The following BTN2A2 variants were observed in gnomAD, a reference collection of about 807,000 sequenced individuals.
The protein encoded by BTN2A2 is butyrophilin subfamily 2 member A2, also known as butyrophilin 2.
BTN2A2 carries 29 observed loss-of-function variants against 34.7 expected under a neutral mutation model. That is an observed-to-expected ratio of 0.84 (90% CI 0.62 to 1.14). The LOEUF (loss-of-function observed/expected upper bound fraction) is 1.14. Ranked by LOEUF, BTN2A2 falls within the 50% of genes most tolerant of loss-of-function variation. The pLI is 0.00. For missense variants in BTN2A2, 612 were observed against 651.5 expected (o/e 0.94, Z 0.66); for synonymous variants, 240 against 253.1 (o/e 0.95, Z 0.49).
At chr6:26,389,246 A>G (rs1761416801) in intron 4 of BTN2A2, among the ~76,000 whole-genome samples, 1 of 152,254 alleles carries the variant, frequency 6.6e-6, no homozygotes, top group Non-Finnish European at 1.5e-5. Flanking sequence ...AAAATTAAGC[A>G]AAGAGAAAAT....
rs142310458 is a variant in BTN2A2 at position 26,386,389 on chromosome 6, G to A, written c.442+1027G>A. On this transcript the variant is annotated intron_variant, in intron 3 of 7. Coordinates refer to ENST00000356709, the MANE Select transcript of BTN2A2 (RefSeq NM_006995.5). ...AAGCCTTTAAGTTGCAGAATAATTC[G>A]TGGTGACATTTCAGTCCATCAGACC... Among the ~76,000 whole-genome samples, 37 of 152,304 alleles carry A rather than the reference G, an allele frequency of 2.4e-4. 2 individuals are homozygous for A. In the East Asian group the frequency reaches 6.0e-3, roughly 25 times the overall value.
At position 26,390,191 on chromosome 6, in the gene BTN2A2, A is replaced by G; in HGVS notation, c.911A>G (p.Gln304Arg). 6.2e-7 allele frequency: 1 copy of G among 1,614,068 alleles called. No homozygotes were observed. The highest frequency in any genetic ancestry group is 1.1e-5 in the South Asian group (1 of 91,082). The change falls in exon 5 of 8, where the codon CAA (glutamine) becomes CGA (arginine). Residue 304 changes from glutamine (Q) to arginine (R), a missense_variant. Gln to Arg is a conservative substitution (Grantham distance 43). Coordinates refer to ENST00000356709, the MANE Select transcript of BTN2A2 (RefSeq NM_006995.5). ...CTGTCAGGGGAAAAGAAAGTTGAAC[A>G]AGAGGAAAAAGAAATTGCACGTAAG... ...KILSGEKKVE[Q>R]EEKEIAQQLQ... is the part of the protein sequence containing the mutation.
chr6:26,384,949 G>C lies in BTN2A2; in HGVS notation c.95-66G>C. 2 of 1,459,516 alleles carry C rather than the reference G, an allele frequency of 1.4e-6. No individual in the cohort carries two copies. The highest frequency in any genetic ancestry group is 1.8e-6 in the Non-Finnish European group (2 of 1,082,808). The allele number at this position is 1,459,516 out of a possible 1,614,324, so 90.4% of individuals were successfully genotyped here. ...TTTTGTTTGTTTGTTTTTGTTTTTT[G>C]TTTTTTGTTTTGCCTTAGAGTTGTG... On this transcript the variant is annotated intron_variant, in intron 2 of 7. Transcript: ENST00000356709. The surrounding 1 kb of genome is among the most constrained non-coding windows in gnomAD (Gnocchi z 4.0).
chr6:26,383,767 T>C lies in BTN2A2; in HGVS notation c.-30-25T>C. ...CACTGAGGTGCCAAGACTCCTAGGC[T>C]GATTCTCCTCCTCTGTAACCCTAGG... On this transcript the variant is annotated intron_variant, in intron 1 of 7. Coordinates refer to ENST00000356709, the MANE Select transcript of BTN2A2 (RefSeq NM_006995.5). The surrounding 1 kb of genome is among the most constrained non-coding windows in gnomAD (Gnocchi z 4.4). 6.4e-7 allele frequency: 1 copy of C among 1,571,138 alleles called. No individual in the cohort carries two copies. The highest frequency in any genetic ancestry group is 1.7e-5 in the Admixed American group (1 of 59,966).
Position 26,394,576 on chromosome 6 carries a change from T to C in BTN2A2, c.*1609T>C. 1 of 457,932 alleles carries C rather than the reference T, an allele frequency of 2.2e-6. No individual in the cohort carries two copies. Among genetic ancestry groups the C allele is most frequent in the Non-Finnish European group, 3.9e-6 (1 of 258,338 alleles). The allele number at this position is 457,932 out of a possible 1,614,324, so 28.4% of individuals were successfully genotyped here. A position where few individuals can be genotyped will look rare whatever the true frequency, so the allele number is the denominator to read the frequency against. On this transcript the variant is annotated 3_prime_UTR_variant, in exon 8 of 8. Transcript: ENST00000356709. Reference sequence around the variant, plus strand: ...ACTTGTACCAGGAGGCCCTGGGTTCTCAGGCCTTTGGCTTTGGACTGAGAG... The same window carrying C: ...ACTTGTACCAGGAGGCCCTGGGTTCCCAGGCCTTTGGCTTTGGACTGAGAG...
intron 3 of BTN2A2, among the ~76,000 whole-genome samples, chr6:26,387,557 C>A (rs1424315983): frequency 7.1e-6 from 1 of 140,072 alleles, no homozygotes; most frequent in Non-Finnish European, 1.5e-5. Context: ...ATGGCAAAAC[C>A]CCATCTCTAC....
rs535316593 is a variant in BTN2A2 at position 26,386,374 on chromosome 6, G to T, written c.442+1012G>T. 4.6e-5 allele frequency among the ~76,000 whole-genome samples: 7 copies of T among 152,290 alleles called. No individual in the cohort carries two copies. In the South Asian group the frequency reaches 1.0e-3, roughly 23 times the overall value. Reference sequence around the variant, plus strand: ...TTTCAGGACTGAAAAAAGCCTTTAAGTTGCAGAATAATTCGTGGTGACATT... The same window carrying T: ...TTTCAGGACTGAAAAAAGCCTTTAATTTGCAGAATAATTCGTGGTGACATT... On this transcript the variant is annotated intron_variant, in intron 3 of 7. Transcript: ENST00000356709.
chr6:26,390,352 A>G (rs1581603374), intron 5 of BTN2A2, 141 bp downstream of exon 5: 2 of 884,368 alleles, frequency 2.3e-6, no homozygotes, highest in Non-Finnish European at 3.4e-6. Flanking sequence ...GAGGAAATGC[A>G]CAGCAGCAGC....
At chr6:26,386,208 A>G (rs1371497939) in intron 3 of BTN2A2, among the ~76,000 whole-genome samples, 1 of 152,224 alleles carries the variant, frequency 6.6e-6, no homozygotes, top group Non-Finnish European at 1.5e-5. Context: ...ACAGAGAAAG[A>G]CTAAGAATTT....
intron 5 of BTN2A2, chr6:26,390,422 A>G (rs918217062): frequency 1.8e-5 from 12 of 682,320 alleles, no homozygotes; most frequent in Non-Finnish European, 2.4e-5. Context: ...TCTTTCTTCC[A>G]TGCTGCACAC....
At position 26,383,887 on chromosome 6, in the gene BTN2A2, C is replaced by A; in HGVS notation, c.66C>A (p.Leu22=). ...PASLLLLLLL[L]LLSLCALVSA... is the part of the protein sequence containing the mutation. ...CCCTCCTCCTCCTCCTGCTCCTCCT[C>A]CTTCTCAGCCTGTGTGCACTGGTCT... The change falls in exon 2 of 8, where the codon CTC becomes CTA. Residue 22 remains leucine, a synonymous_variant. Transcript: ENST00000356709. This position sits in a 1 kb window ranked among gnomAD's most constrained non-coding sequence, Gnocchi z 4.4. 1 of 1,614,162 alleles carries A rather than the reference C, an allele frequency of 6.2e-7. No individual in the cohort carries two copies. Among genetic ancestry groups the A allele is most frequent in the South Asian group, 1.1e-5 (1 of 91,082 alleles).
At chr6:26,390,755 C>G in intron 6 of BTN2A2, 48 bp downstream of exon 6, 5 of 1,614,258 alleles carry the variant, frequency 3.1e-6, no homozygotes, top group Non-Finnish European at 4.2e-6. Context: ...TTGTGTTCTG[C>G]TTACTTAGCA....
intron 3 of BTN2A2, among the ~76,000 whole-genome samples, chr6:26,386,673 G>C (rs1761222886): frequency 6.6e-6 from 1 of 152,202 alleles, no homozygotes; most frequent in Non-Finnish European, 1.5e-5. Context: ...GCCTTCCCTA[G>C]TCTGAATTGG....
Position 26,393,472 on chromosome 6 carries a change from G to A in BTN2A2, c.*505G>A. ...AGCTGGGAGGGACCAAGGTTGTAAG[G>A]ATGGCTAAGTCCCACCATAAGAGCT... On this transcript the variant is annotated 3_prime_UTR_variant, in exon 8 of 8. Coordinates refer to ENST00000356709, the MANE Select transcript of BTN2A2 (RefSeq NM_006995.5). 1.9e-6 allele frequency: 2 copies of A among 1,056,640 alleles called. No individual in the cohort carries two copies. Among genetic ancestry groups the A allele is most frequent in the Non-Finnish European group, 2.3e-6 (2 of 873,980 alleles). 65.5% of individuals were successfully genotyped at this position (1,056,640 alleles called of 1,614,324 possible).
Position 26,394,269 on chromosome 6 carries a change from A to T in BTN2A2, c.*1302A>T. The T allele has an allele frequency of 1.4e-6, 1 of 700,764 alleles. No homozygotes were observed. Among genetic ancestry groups the T allele is most frequent in the Non-Finnish European group, 2.6e-6 (1 of 384,740 alleles). 43.4% of individuals were successfully genotyped at this position (700,764 alleles called of 1,614,324 possible). On this transcript the variant is annotated 3_prime_UTR_variant, in exon 8 of 8. Transcript: ENST00000356709. ...TTGAAACTAGAATAGTGGATCCTGGAAGTTAATCCATGTGCTGGTTAATTT... is the reference window on the plus strand; with the variant it reads ...TTGAAACTAGAATAGTGGATCCTGGTAGTTAATCCATGTGCTGGTTAATTT...
chr6:26,386,718 T>C (rs1761226108), intron 3 of BTN2A2, among the ~76,000 whole-genome samples: 1 of 152,254 alleles, frequency 6.6e-6, no homozygotes, highest in South Asian at 2.1e-4. Context: ...TTGCTTATTG[T>C]ACTCTGTTTG....
chr6:26,384,407 CA>C lies in BTN2A2; in HGVS notation c.94+495del, dbSNP rs1196014484. 6.6e-6 allele frequency among the ~76,000 whole-genome samples: 1 copy of C among 152,164 alleles called. No individual in the cohort carries two copies. Among genetic ancestry groups the C allele is most frequent in the Non-Finnish European group, 1.5e-5 (1 of 68,042 alleles). ...TAAGGATCCTCCCACTTTGGCCTCC[CA>C]AATATCTGCAATTACAGGCGCAAGA... On this transcript the variant is annotated intron_variant, in intron 2 of 7. Transcript: ENST00000356709. This position sits in a 1 kb window ranked among gnomAD's most constrained non-coding sequence, Gnocchi z 4.0.
chr6:26,385,245 A>T lies in BTN2A2; in HGVS notation c.325A>T (p.Arg109Trp), dbSNP rs1274330033. 3 of 1,614,198 alleles carry T rather than the reference A, an allele frequency of 1.9e-6. No homozygotes were observed. In the South Asian group the frequency reaches 3.3e-5, roughly 18 times the overall value. Residue 109 changes from arginine (R) to tryptophan (W), a missense_variant, in exon 3 of 8, where the codon AGG becomes TGG. Transcript: ENST00000356709. ...CACCTTTGTGAGCAAAGACATCAAC[A>T]GGGGCAGCGTGGCCCTGGTCATACA... ...RITFVSKDINRGSVALVIHNV... is the reference protein window; with the variant it reads ...RITFVSKDINWGSVALVIHNV...
In BTN2A2 at chr6:26,388,115, G is replaced by A. The variant is rs1561828536; in HGVS notation, c.545G>A (p.Trp182Ter). Residue 182 changes from tryptophan (W) to a stop codon, truncating the protein, a stop_gained, in exon 4 of 8, where the codon TGG becomes TAG. Coordinates refer to ENST00000356709, the MANE Select transcript of BTN2A2 (RefSeq NM_006995.5). LOFTEE classifies it high-confidence loss of function. ...TGGTACCCAGAGCCCCTCACAGTGT[G>A]GAGGGACCCCTACGGTGAGGTTGTG... ...GGWYPEPLTVWRDPYGEVVPA... is the reference protein window; with the variant it reads ...GGWYPEPLTV The A allele has an allele frequency of 6.2e-7, 1 of 1,614,148 alleles. No individual in the cohort carries two copies. Among genetic ancestry groups the A allele is most frequent in the Non-Finnish European group, 8.5e-7 (1 of 1,180,024 alleles).
Sources: allele counts gnomAD v4.1 joint callset (sites outside exome capture counted in the v4.1 genomes callset), GRCh38; gene constraint gnomAD v4.1.1; non-coding constraint Gnocchi (gnomAD v3.1); transcripts MANE v1.5; gene names NCBI Gene and HGNC (gene_info 2026-07-23, HGNC 2026-07-21).